Variants in MAGI2 observed in about 807,000 individuals in gnomAD.
MAGI2 encodes membrane-associated guanylate kinase, WW and PDZ domain-containing protein 2.
A neutral mutation model predicts 133.3 loss-of-function variants in MAGI2; 35 were observed. The ratio of observed to expected loss-of-function variants is 0.26; its 90% confidence interval spans 0.20 to 0.35. The LOEUF is 0.35. Among genes scored for constraint, MAGI2 ranks in the 10% least tolerant of loss-of-function variants. The probability of loss-of-function intolerance (pLI) is 1.00; values close to 1 mark genes in which losing one functional copy is unlikely to be tolerated. For missense variants in MAGI2, 1,636 were observed against 1,863.4 expected, an observed-to-expected ratio of 0.88 and a Z score of 2.25; for synonymous variants, 729 against 710.6, an observed-to-expected ratio of 1.03 and a Z score of -0.41.
At chr7:78,148,688 G>A (rs1823560204) in intron 16 of MAGI2, among the ~76,000 whole-genome samples, 1 of 152,106 alleles carries the variant, frequency 6.6e-6, no homozygotes, top group African/African-American at 2.4e-5. Flanking sequence ...AGGTGGTCAA[G>A]GTTAGGGGAA....
chr7:78,813,004 C>T (rs1371419060), intron 2 of MAGI2, among the ~76,000 whole-genome samples: 2 of 152,132 alleles, frequency 1.3e-5, no homozygotes, highest in Non-Finnish European at 2.9e-5. Flanking sequence ...ACAGTAGGCA[C>T]GTCCACCCTG....
At chr7:78,506,103 G>A (rs952595185) in intron 4 of MAGI2, among the ~76,000 whole-genome samples, 1 of 152,140 alleles carries the variant, frequency 6.6e-6, no homozygotes, top group African/African-American at 2.4e-5. Flanking sequence ...GGGATTTGAG[G>A]GTGGCAAGAG....
intron 1 of MAGI2, among the ~76,000 whole-genome samples, chr7:79,138,762 G>T (rs189696963): frequency 1.3e-5 from 2 of 152,200 alleles, no homozygotes; most frequent in East Asian, 1.9e-4. Flanking sequence ...ACCCAGCACT[G>T]TGGGAGGCCA....
intron 10 of MAGI2, among the ~76,000 whole-genome samples, chr7:78,221,113 C>A (rs957143042): frequency 6.6e-6 from 1 of 152,176 alleles, no homozygotes. Flanking sequence ...TTCCTGGATT[C>A]TTGAGCTTGA....
At chr7:78,214,872 T>C (rs1372299967) in intron 10 of MAGI2, among the ~76,000 whole-genome samples, 1 of 152,220 alleles carries the variant, frequency 6.6e-6, no homozygotes, top group East Asian at 1.9e-4. Context: ...CTGACTTCTC[T>C]TTCTCCCTGT....
chr7:78,118,253 A>G (rs1312554343), intron 20 of MAGI2, among the ~76,000 whole-genome samples: 5 of 152,226 alleles, frequency 3.3e-5, no homozygotes, highest in Non-Finnish European at 5.9e-5. Context: ...AACTCCTATA[A>G]GATAACATAG....
chr7:78,834,925 C>G (rs1258772526), intron 2 of MAGI2, among the ~76,000 whole-genome samples: 1 of 152,138 alleles, frequency 6.6e-6, no homozygotes, highest in South Asian at 2.1e-4. Flanking sequence ...ACTTCACCTT[C>G]TGGCATGCCT....
intron 2 of MAGI2, among the ~76,000 whole-genome samples, chr7:78,875,272 A>G (rs1795330283): frequency 6.6e-6 from 1 of 152,214 alleles, no homozygotes; most frequent in Non-Finnish European, 1.5e-5. Flanking sequence ...TGCATTCCAG[A>G]ATATGCACTC....
chr7:78,198,244 A>G (rs2150749261), intron 11 of MAGI2, among the ~76,000 whole-genome samples: 1 of 152,208 alleles, frequency 6.6e-6, no homozygotes, highest in South Asian at 2.1e-4. Context: ...CACTAGAATA[A>G]GCACAAATGG....
chr7:79,298,422 G>A (rs1009465473), intron 1 of MAGI2, among the ~76,000 whole-genome samples: 2 of 151,884 alleles, frequency 1.3e-5, no homozygotes, highest in African/African-American at 2.4e-5. Context: ...GTTCTTTTAG[G>A]AACAAGCTAG....
At chr7:78,416,634 T>G (rs1017438209) in intron 6 of MAGI2, among the ~76,000 whole-genome samples, 1 of 152,172 alleles carries the variant, frequency 6.6e-6, no homozygotes, top group Non-Finnish European at 1.5e-5. Context: ...ATTGAATGTC[T>G]GTGTCCCTCC....
chr7:78,877,381 A>G (rs1205719163), intron 2 of MAGI2, among the ~76,000 whole-genome samples: 1 of 152,262 alleles, frequency 6.6e-6, no homozygotes, highest in Non-Finnish European at 1.5e-5. Context: ...TTGGAAATAA[A>G]TAATCTTACA....
At chr7:78,691,964 G>A (rs1307287240) in intron 2 of MAGI2, among the ~76,000 whole-genome samples, 1 of 152,050 alleles carries the variant, frequency 6.6e-6, no homozygotes, top group Non-Finnish European at 1.5e-5. Flanking sequence ...CACTCCGGTG[G>A]GCATGTTAAT....
intron 10 of MAGI2, among the ~76,000 whole-genome samples, chr7:78,202,363 A>G (rs1829327760): frequency 6.6e-6 from 1 of 152,202 alleles, no homozygotes. Flanking sequence ...CACTGTTGTG[A>G]ATAAGTGATG....
intron 1 of MAGI2, among the ~76,000 whole-genome samples, chr7:79,146,778 C>G (rs1191236957): frequency 1.3e-5 from 2 of 152,120 alleles, no homozygotes; most frequent in Non-Finnish European, 2.9e-5. Context: ...TTTAAATTAC[C>G]CAGTCTTAGG....
At chr7:78,642,305 A>G (rs1247292359) in intron 2 of MAGI2, among the ~76,000 whole-genome samples, 1 of 152,236 alleles carries the variant, frequency 6.6e-6, no homozygotes, top group African/African-American at 2.4e-5. Context: ...GCATATACAC[A>G]TAGCTTTTAA....
intron 20 of MAGI2, among the ~76,000 whole-genome samples, chr7:78,117,173 A>G (rs942877608): frequency 2.0e-5 from 3 of 151,916 alleles, no homozygotes; most frequent in Admixed American, 6.6e-5. Context: ...GGATTATTCT[A>G]TTTCTCATTT....
intron 1 of MAGI2, among the ~76,000 whole-genome samples, chr7:79,222,986 G>A (rs186373737): frequency 2.0e-5 from 3 of 151,972 alleles, no homozygotes; most frequent in Non-Finnish European, 4.4e-5. Context: ...CCGGGTTCAC[G>A]CCATTCTCCT....
intron 2 of MAGI2, among the ~76,000 whole-genome samples, chr7:78,969,979 A>T (rs190967831): frequency 6.9e-6 from 1 of 145,034 alleles, no homozygotes; most frequent in African/African-American, 2.4e-5. Context: ...CCAAGGTTGC[A>T]TAGCCTGGAA....
Sources: allele counts gnomAD v4.1 joint callset (sites outside exome capture counted in the v4.1 genomes callset), GRCh38; gene constraint gnomAD v4.1.1; transcripts MANE v1.5; gene names NCBI Gene and HGNC (gene_info 2026-07-23, HGNC 2026-07-21).